Variants in KIRREL3 observed in about 807,000 individuals in gnomAD.
KIRREL3 encodes the protein kin of IRRE-like protein 3.
KIRREL3 carries 36 observed loss-of-function variants against 89.7 expected under a neutral mutation model. The ratio of observed to expected loss-of-function variants is 0.40; its 90% CI spans 0.31 to 0.53. KIRREL3 has a LOEUF of 0.53. Among genes scored for constraint, KIRREL3 ranks in the 20% least tolerant of loss-of-function variants. The probability of loss-of-function intolerance (pLI) is 0.49; values close to 1 mark genes in which losing one functional copy is unlikely to be tolerated. For missense variants in KIRREL3, 864 were observed against 1,056.6 expected, an observed-to-expected ratio of 0.82 and a Z score of 2.53; for synonymous variants, 445 against 441.4, an observed-to-expected ratio of 1.01 and a Z score of -0.10.
chr11:126,675,232 A>C (rs61195841), intron 1 of KIRREL3, among the ~76,000 whole-genome samples: 2,668 of 152,232 alleles, frequency 0.018, 100 homozygotes, highest in African/African-American at 0.061. Context: ...CAATGATCTG[A>C]CCTTCTATGT....
chr11:126,459,242 G>T lies in KIRREL3; in HGVS notation c.743-2788C>A, dbSNP rs1396842113. Among the ~76,000 whole-genome samples the T allele has an allele frequency of 3.9e-5, 6 of 152,212 alleles. No individual in the cohort carries two copies. In the East Asian group the frequency reaches 1.2e-3, roughly 29 times the overall value. On this transcript the variant is annotated intron_variant, in intron 6 of 16. Transcript: ENST00000525144. The surrounding 1 kb of genome is among the most constrained non-coding windows in gnomAD (Gnocchi z 4.8). ...CAGGAGGCCCTTCCCTCACCTGGGG[G>T]TCTTTTCTAAAGTGATGAGGTCTGA...
At position 126,905,355 on chromosome 11, in the gene KIRREL3, C is replaced by T. The variant is rs1476943829; in HGVS notation, c.55+95100G>A. On this transcript the variant is annotated intron_variant, in intron 1 of 16. Coordinates refer to ENST00000525144, the MANE Select transcript of KIRREL3 (RefSeq NM_032531.4). This position sits in a 1 kb window ranked among gnomAD's most constrained non-coding sequence, Gnocchi z 5.0. ...TTGATGGGAAACTTCTAACCTTCAACTGCCTTCTTTTCTCATTTACACAAC... is the reference window on the plus strand; with the variant it reads ...TTGATGGGAAACTTCTAACCTTCAATTGCCTTCTTTTCTCATTTACACAAC... Among the ~76,000 whole-genome samples, 1 of 152,160 alleles carries T rather than the reference C, an allele frequency of 6.6e-6. No homozygotes were observed. The highest frequency in any genetic ancestry group is 1.5e-5 in the Non-Finnish European group (1 of 68,032).
intron 1 of KIRREL3, among the ~76,000 whole-genome samples, chr11:126,648,133 C>T (rs1306712125): frequency 6.6e-6 from 1 of 152,196 alleles, no homozygotes; most frequent in Non-Finnish European, 1.5e-5. Flanking sequence ...CTTCTTCCTC[C>T]TGCTCTGGCC....
chr11:126,493,132 C>T (rs985000750), intron 4 of KIRREL3, among the ~76,000 whole-genome samples: 1 of 152,200 alleles, frequency 6.6e-6, no homozygotes, highest in Non-Finnish European at 1.5e-5. Context: ...CTCATGGCCT[C>T]TCAGGGCAGG....
intron 1 of KIRREL3, among the ~76,000 whole-genome samples, chr11:126,902,949 C>T (rs527507166): frequency 1.3e-5 from 2 of 152,156 alleles, no homozygotes; most frequent in African/African-American, 4.8e-5. Flanking sequence ...AATGTCTTTG[C>T]CTATATTTAT....
At position 126,571,474 on chromosome 11, in the gene KIRREL3, G is replaced by A. The variant is rs1783630301; in HGVS notation, c.56-8562C>T. 6.6e-6 allele frequency among the ~76,000 whole-genome samples: 1 copy of A among 152,220 alleles called. No homozygotes were observed. Among genetic ancestry groups the A allele is most frequent in the South Asian group, 2.1e-4 (1 of 4,832 alleles). On this transcript the variant is annotated intron_variant, in intron 1 of 16. Transcript: ENST00000525144. This position sits in a 1 kb window ranked among gnomAD's most constrained non-coding sequence, Gnocchi z 7.7. ...GCATCACCAAGTGTCTGCCACCTGG[G>A]ACCAGGCTCATGTAGTTCACCATCA...
chr11:126,497,138 GA>G (rs1957681553), intron 4 of KIRREL3, among the ~76,000 whole-genome samples: 2 of 151,946 alleles, frequency 1.3e-5, no homozygotes, highest in South Asian at 4.2e-4. Flanking sequence ...GTGTGACAGA[GA>G]GAGAGCGAGA....
At chr11:126,751,185 C>T (rs1232442922) in intron 1 of KIRREL3, among the ~76,000 whole-genome samples, 1 of 152,206 alleles carries the variant, frequency 6.6e-6, no homozygotes, top group Non-Finnish European at 1.5e-5. Flanking sequence ...GAACTTCCCC[C>T]TCAGCTCATT....
At chr11:126,506,195 T>C (rs1209234960) in intron 4 of KIRREL3, among the ~76,000 whole-genome samples, 1 of 152,190 alleles carries the variant, frequency 6.6e-6, no homozygotes, top group Non-Finnish European at 1.5e-5. Flanking sequence ...TGACCTTTGA[T>C]TAGGCAGAGT....
intron 4 of KIRREL3, among the ~76,000 whole-genome samples, chr11:126,479,763 T>C (rs1371405997): frequency 2.6e-5 from 4 of 152,210 alleles, no homozygotes; most frequent in Admixed American, 6.5e-5. Context: ...CCCTGCTTAC[T>C]AGCTTTGGAG....
chr11:126,556,063 C>T (rs1011650574), intron 2 of KIRREL3, among the ~76,000 whole-genome samples: 7 of 152,106 alleles, frequency 4.6e-5, no homozygotes, highest in Non-Finnish European at 1.0e-4. Context: ...TTTCTTAAAG[C>T]CATTGAAATA....
chr11:126,456,236 G>A (rs756564351), intron 7 of KIRREL3, 113 bp downstream of exon 7: 2 of 696,174 alleles, frequency 2.9e-6, no homozygotes, highest in South Asian at 3.2e-5. Flanking sequence ...GACACGCGGT[G>A]TGGACTAGGC....
intron 1 of KIRREL3, among the ~76,000 whole-genome samples, chr11:126,922,430 A>G (rs980586558): frequency 1.3e-4 from 20 of 152,110 alleles, no homozygotes; most frequent in Non-Finnish European, 8.8e-5. Context: ...AAGCCGACAG[A>G]TAAGTATTTC....
At chr11:126,445,153 A>C in intron 9 of KIRREL3, 48 bp from the exon 10 acceptor site, 1 of 1,601,886 alleles carries the variant, frequency 6.2e-7, no homozygotes, top group Non-Finnish European at 8.5e-7. Flanking sequence ...GGAGGGGTGC[A>C]CTCTTGTCTC....
At chr11:126,880,375 C>T (rs192978784) in intron 1 of KIRREL3, among the ~76,000 whole-genome samples, 56 of 152,304 alleles carry the variant, frequency 3.7e-4, no homozygotes, top group Non-Finnish European at 5.0e-4. Context: ...GTCCCTTCGT[C>T]TCTGGTTCCA....
chr11:126,744,891 A>T lies in KIRREL3; in HGVS notation c.56-181979T>A, dbSNP rs1226240545. On this transcript the variant is annotated intron_variant, in intron 1 of 16. Coordinates refer to ENST00000525144, the MANE Select transcript of KIRREL3 (RefSeq NM_032531.4). This position sits in a 1 kb window ranked among gnomAD's most constrained non-coding sequence, Gnocchi z 4.7. ...TAGTAAGTGCTAAAAAAAAAAAAAA[A>T]GGTGGGAAAAGTAGCTGAGAACTGG... 7.3e-6 allele frequency among the ~76,000 whole-genome samples: 1 copy of T among 137,922 alleles called. No individual in the cohort carries two copies. Among genetic ancestry groups the T allele is most frequent in the East Asian group, 2.2e-4 (1 of 4,634 alleles). The allele number at this position is 137,922 out of a possible 152,430, so 90.5% of individuals were successfully genotyped here. A position where few individuals can be genotyped will look rare whatever the true frequency, so the allele number is the denominator to read the frequency against.
chr11:126,884,028 G>T (rs1274016592), intron 1 of KIRREL3, among the ~76,000 whole-genome samples: 1 of 152,182 alleles, frequency 6.6e-6, no homozygotes, highest in Non-Finnish European at 1.5e-5. Flanking sequence ...TGATTGCAAT[G>T]ATCCTTATGA....
At chr11:126,939,715 G>C (rs184806250) in intron 1 of KIRREL3, among the ~76,000 whole-genome samples, 1 of 152,236 alleles carries the variant, frequency 6.6e-6, no homozygotes, top group East Asian at 1.9e-4. Context: ...CTTGCCCTTG[G>C]TCCTCCCAAA....
intron 1 of KIRREL3, among the ~76,000 whole-genome samples, chr11:126,599,663 T>C (rs608006): frequency 0.55 from 83,998 of 152,040 alleles, 23,384 homozygotes; most frequent in South Asian, 0.61. Context: ...TGAAGGGGAC[T>C]TGCTTACAGC....
Sources: gnomAD v4.1 joint callset for allele counts (sites outside exome capture counted in the v4.1 genomes callset) on GRCh38, gnomAD v4.1.1 for gene constraint, Gnocchi (gnomAD v3.1) non-coding constraint, MANE v1.5 for transcripts, NCBI Gene and HGNC (gene_info 2026-07-23, HGNC 2026-07-21) for gene names.